The following PCDH9 variants were observed in gnomAD, a reference collection of about 807,000 sequenced individuals.
PCDH9 encodes protocadherin 9.
In PCDH9, 24 loss-of-function variants were observed where a neutral mutation model predicts 70.6. The ratio of observed to expected loss-of-function variants is 0.34; its 90% confidence interval spans 0.25 to 0.48. The LOEUF (loss-of-function observed/expected upper bound fraction) is 0.48. PCDH9 is among the 20% of genes least tolerant of loss of function. The pLI is 0.99. For synonymous variants in PCDH9, 562 were observed against 558.5 expected, an observed-to-expected ratio of 1.01 and a Z score of -0.09; for missense variants, 1,281 against 1,503.6, an observed-to-expected ratio of 0.85 and a Z score of 2.45.
chr13:66,368,595 G>A (rs1956591392), intron 4 of PCDH9, among the ~76,000 whole-genome samples: 1 of 151,830 alleles, frequency 6.6e-6, no homozygotes, highest in Non-Finnish European at 1.5e-5. Context: ...ATGTGTGTGT[G>A]TGTGTATTTA....
chr13:66,644,308 A>G (rs531860780), intron 3 of PCDH9, among the ~76,000 whole-genome samples: 3 of 146,450 alleles, frequency 2.0e-5, no homozygotes, highest in Non-Finnish European at 4.5e-5. Context: ...CTGGCTCATC[A>G]TATGTAACAG....
chr13:66,620,468 T>G (rs1300512627), intron 4 of PCDH9, among the ~76,000 whole-genome samples: 1 of 152,134 alleles, frequency 6.6e-6, no homozygotes, highest in Non-Finnish European at 1.5e-5. Flanking sequence ...AAGGCTACAT[T>G]GCATACAAAC....
At chr13:67,131,576 G>A (rs994942271) in intron 2 of PCDH9, among the ~76,000 whole-genome samples, 1 of 151,944 alleles carries the variant, frequency 6.6e-6, no homozygotes, top group Admixed American at 6.6e-5. Context: ...TTTAAAAATA[G>A]CATAATCAGC....
chr13:66,656,493 C>A (rs1411732906), intron 3 of PCDH9, among the ~76,000 whole-genome samples: 1 of 151,902 alleles, frequency 6.6e-6, no homozygotes, highest in Non-Finnish European at 1.5e-5. Context: ...CTGCAGTTTT[C>A]TTTTGAAAGC....
chr13:66,532,734 G>A (rs114535026), intron 4 of PCDH9, among the ~76,000 whole-genome samples: 7 of 151,770 alleles, frequency 4.6e-5, no homozygotes, highest in South Asian at 4.2e-4. Context: ...TTTCACTTTC[G>A]GAGGCCAAGG....
At chr13:66,507,652 G>A (rs554086115) in intron 4 of PCDH9, among the ~76,000 whole-genome samples, 19 of 152,156 alleles carry the variant, frequency 1.2e-4, no homozygotes, top group Non-Finnish European at 2.6e-4. Context: ...TGGCAAAAAC[G>A]GGTTCAAATC....
intron 4 of PCDH9, among the ~76,000 whole-genome samples, chr13:66,629,377 A>G (rs756407288): frequency 1.3e-5 from 2 of 152,182 alleles, no homozygotes; most frequent in Non-Finnish European, 2.9e-5. Flanking sequence ...TTACTTCAAC[A>G]AGAGATGTTT....
intron 3 of PCDH9, among the ~76,000 whole-genome samples, chr13:66,804,844 T>C (rs966767603): frequency 3.9e-5 from 6 of 152,234 alleles, no homozygotes; most frequent in African/African-American, 1.2e-4. Flanking sequence ...CTATATATAA[T>C]TCTTTAATTT....
chr13:66,307,253 G>T (rs919250270), intron 4 of PCDH9, among the ~76,000 whole-genome samples: 10 of 151,770 alleles, frequency 6.6e-5, no homozygotes, highest in Non-Finnish European at 1.5e-4. Context: ...GAAAATTGAT[G>T]GAAAAAAAAT....
intron 3 of PCDH9, among the ~76,000 whole-genome samples, chr13:66,705,727 A>G (rs1320628747): frequency 6.6e-6 from 1 of 152,204 alleles, no homozygotes; most frequent in Non-Finnish European, 1.5e-5. Flanking sequence ...AGAAATATAT[A>G]TGCTTATGAT....
chr13:66,743,373 T>C (rs921107180), intron 3 of PCDH9, among the ~76,000 whole-genome samples: 9 of 133,196 alleles, frequency 6.8e-5, no homozygotes, highest in Non-Finnish European at 1.3e-4. Flanking sequence ...AGGGATAGCA[T>C]TGGGAGATAC....
chr13:66,584,695 A>T lies in PCDH9; in HGVS notation c.3340+46515T>A, dbSNP rs181257699. On this transcript the variant is annotated intron_variant, in intron 4 of 4. Coordinates refer to ENST00000377865, the MANE Select transcript of PCDH9 (RefSeq NM_203487.3). ...ATATTAAAGCCTGTCAAAATATGTGACTAGTAATTCAAACAGCATTTATTT... is the reference window on the plus strand; with the variant it reads ...ATATTAAAGCCTGTCAAAATATGTGTCTAGTAATTCAAACAGCATTTATTT... Among the ~76,000 whole-genome samples, 145 of 152,280 alleles carry T rather than the reference A, an allele frequency of 9.5e-4. 2 individuals are homozygous for T. The highest frequency in any genetic ancestry group is 3.4e-3 in the African/African-American group (142 of 41,566).
At chr13:66,646,067 T>C (rs895603149) in intron 3 of PCDH9, among the ~76,000 whole-genome samples, 1 of 152,200 alleles carries the variant, frequency 6.6e-6, no homozygotes. Context: ...TTGTTTGAAT[T>C]CCTGTGTGGA....
intron 4 of PCDH9, among the ~76,000 whole-genome samples, chr13:66,353,272 C>G (rs1019757919): frequency 1.3e-5 from 2 of 152,064 alleles, no homozygotes; most frequent in Non-Finnish European, 2.9e-5. Flanking sequence ...TGTTATAAAA[C>G]CTTGAAGGGA....
chr13:66,590,114 G>C (rs896183613), intron 4 of PCDH9, among the ~76,000 whole-genome samples: 1 of 151,978 alleles, frequency 6.6e-6, no homozygotes, highest in Non-Finnish European at 1.5e-5. Context: ...GAAAAATACG[G>C]AGAACCCTAA....
At chr13:66,579,166 G>A (rs1166709775) in intron 4 of PCDH9, among the ~76,000 whole-genome samples, 1 of 152,028 alleles carries the variant, frequency 6.6e-6, no homozygotes, top group African/African-American at 2.4e-5. Context: ...GTTTTGGCAT[G>A]CATAATAAAT....
At chr13:67,017,594 G>A (rs1425631796) in intron 2 of PCDH9, among the ~76,000 whole-genome samples, 1 of 152,134 alleles carries the variant, frequency 6.6e-6, no homozygotes, top group Non-Finnish European at 1.5e-5. Flanking sequence ...AAACATGAAA[G>A]AGAAATAGGA....
At chr13:66,724,979 A>G (rs1383003498) in intron 3 of PCDH9, among the ~76,000 whole-genome samples, 8 of 151,954 alleles carry the variant, frequency 5.3e-5, no homozygotes, top group Non-Finnish European at 1.2e-4. Flanking sequence ...AGTGCTGATG[A>G]CTCCCAATAT....
chr13:66,707,419 G>T (rs537290318), intron 3 of PCDH9, among the ~76,000 whole-genome samples: 5 of 152,300 alleles, frequency 3.3e-5, no homozygotes, highest in African/African-American at 1.2e-4. Flanking sequence ...TTAAGCTACA[G>T]TTACCCTCAA....
Sources: allele counts gnomAD v4.1 joint callset (sites outside exome capture counted in the v4.1 genomes callset), GRCh38; gene constraint gnomAD v4.1.1; transcripts MANE v1.5; gene names NCBI Gene and HGNC (gene_info 2026-07-23, HGNC 2026-07-21).